The following SEMA3A variants were observed in gnomAD, a reference collection of about 807,000 sequenced individuals.
SEMA3A encodes the protein semaphorin-3A.
A neutral mutation model predicts 97.9 loss-of-function variants in SEMA3A; 29 were observed. That is an observed-to-expected ratio of 0.30 (90% CI 0.22 to 0.40). The LOEUF (loss-of-function observed/expected upper bound fraction) is 0.40, where lower values mean the gene tolerates loss of function less well. Ranked by LOEUF, SEMA3A falls within the 10% of genes least tolerant of loss-of-function variation. The pLI is 1.00. For synonymous variants in SEMA3A, 321 were observed against 323.7 expected, an observed-to-expected ratio of 0.99 and a Z score of 0.09; for missense variants, 763 against 951.3, an observed-to-expected ratio of 0.80 and a Z score of 2.60.
rs1469618323 is a variant in SEMA3A at position 84,456,935 on chromosome 7, T to C, written c.-246+35525A>G. On this transcript the variant is annotated intron_variant, in intron 1 of 3. Transcript: ENST00000424555. ...GGCTAATGGACCCTAAGTTACTTGC[T>C]AATGTCAGCTAATAAGCGATAAAGC... Among the ~76,000 whole-genome samples the C allele has an allele frequency of 4.6e-5, 7 of 151,936 alleles. No individual in the cohort carries two copies. In the East Asian group the frequency reaches 1.4e-3, roughly 29 times the overall value.
rs34158057 is a variant in SEMA3A at position 84,029,810 on chromosome 7, T to TACACACACACAC, written c.668-15471_668-15460dup. Among the ~76,000 whole-genome samples, 381 of 116,848 alleles carry TACACACACACAC rather than the reference T, an allele frequency of 3.3e-3. 2 individuals carry two copies. The highest frequency in any genetic ancestry group is 0.013 in the African/African-American group (363 of 28,616). 76.7% of individuals were successfully genotyped at this position (116,848 alleles called of 152,430 possible). A position where few individuals can be genotyped will look rare whatever the true frequency, so the allele number is the denominator to read the frequency against. ...CATTTGCACACACATCCCTTCCATA[T>TACACACACACAC]ACACACACACACACACACACACACA... On this transcript the variant is annotated intron_variant, in intron 6 of 16. Coordinates refer to ENST00000265362, the MANE Select transcript of SEMA3A (RefSeq NM_006080.3).
chr7:84,170,203 T>C (rs1797342125), intron 1 of SEMA3A, among the ~76,000 whole-genome samples: 1 of 151,988 alleles, frequency 6.6e-6, no homozygotes, highest in Non-Finnish European at 1.5e-5. Flanking sequence ...CTCATTATCT[T>C]GTAACGATAA....
chr7:84,341,845 C>A (rs189584757), intron 2 of SEMA3A, among the ~76,000 whole-genome samples: 41 of 152,264 alleles, frequency 2.7e-4, no homozygotes, highest in African/African-American at 9.9e-4. Flanking sequence ...AGCACTATGA[C>A]TGCTGACCAC....
intron 2 of SEMA3A, among the ~76,000 whole-genome samples, chr7:84,346,793 A>T (rs1366442490): frequency 6.6e-6 from 1 of 152,240 alleles, no homozygotes; most frequent in East Asian, 1.9e-4. Flanking sequence ...ACACAGAGAC[A>T]TGAAGTGAGA....
At chr7:84,047,002 T>A (rs182617935) in intron 5 of SEMA3A, among the ~76,000 whole-genome samples, 1 of 152,186 alleles carries the variant, frequency 6.6e-6, no homozygotes, top group African/African-American at 2.4e-5. Context: ...ATTTTTTTCT[T>A]GCTTTTTATT....
chr7:84,121,502 G>T (rs1207101639), intron 3 of SEMA3A, among the ~76,000 whole-genome samples: 1 of 151,210 alleles, frequency 6.6e-6, no homozygotes, highest in African/African-American at 2.4e-5. Context: ...CAGAATGATG[G>T]TTTCCAGCTT....
upstream of SEMA3A, among the ~76,000 whole-genome samples, chr7:84,197,622 A>G (rs149044857): frequency 2.3e-3 from 348 of 152,152 alleles, 1 homozygote; most frequent in African/African-American, 8.2e-3. Flanking sequence ...TTTCTCAACT[A>G]AAGTAGAAGC....
At chr7:84,302,874 A>G (rs948168112) in intron 3 of SEMA3A, among the ~76,000 whole-genome samples, 7 of 152,166 alleles carry the variant, frequency 4.6e-5, no homozygotes, top group Non-Finnish European at 8.8e-5. Flanking sequence ...CCAATTTCTT[A>G]ATGTAAACAC....
chr7:84,129,214 T>C lies in SEMA3A; in HGVS notation c.271-29A>G, dbSNP rs375885852. 10 of 1,576,776 alleles carry C rather than the reference T, an allele frequency of 6.3e-6. No homozygotes were observed. In the African/African-American group the frequency reaches 1.2e-4, roughly 19 times the overall value. ...AGGACAGAGAATAAACATTGTTTTATGTCAACTAAGTTGTCTAAGAGATCC... is the reference window on the plus strand; with the variant it reads ...AGGACAGAGAATAAACATTGTTTTACGTCAACTAAGTTGTCTAAGAGATCC... On this transcript the variant is annotated intron_variant, in intron 2 of 16. Coordinates refer to ENST00000265362, the MANE Select transcript of SEMA3A (RefSeq NM_006080.3).
At chr7:84,259,344 C>T (rs913106121) in intron 3 of SEMA3A, among the ~76,000 whole-genome samples, 4 of 151,996 alleles carry the variant, frequency 2.6e-5, no homozygotes, top group South Asian at 4.2e-4. Context: ...ACCAAAGAGA[C>T]GAGTATGTTT....
chr7:84,375,313 C>A (rs1013758261), intron 1 of SEMA3A, among the ~76,000 whole-genome samples: 2 of 152,152 alleles, frequency 1.3e-5, no homozygotes, highest in Admixed American at 6.5e-5. Flanking sequence ...AGCCACTGTG[C>A]CTGGCCAGAA....
chr7:84,235,058 T>C (rs1799202273), intron 3 of SEMA3A, among the ~76,000 whole-genome samples: 1 of 152,080 alleles, frequency 6.6e-6, no homozygotes, highest in South Asian at 2.1e-4. Flanking sequence ...GAAGGGGCAT[T>C]AGGTAATATA....
chr7:84,100,303 A>T (rs1482187106), intron 4 of SEMA3A, among the ~76,000 whole-genome samples: 1 of 152,148 alleles, frequency 6.6e-6, no homozygotes, highest in Non-Finnish European at 1.5e-5. Context: ...AACCAGAACT[A>T]ATCATTTTAC....
intron 2 of SEMA3A, among the ~76,000 whole-genome samples, chr7:84,324,170 A>AGT (rs1441855731): frequency 1.3e-5 from 2 of 152,178 alleles, no homozygotes; most frequent in Non-Finnish European, 2.9e-5. Context: ...AAAAAATTAC[A>AGT]GTGTGTGTGA....
intron 1 of SEMA3A, among the ~76,000 whole-genome samples, chr7:84,188,921 A>T (rs1797961060): frequency 1.3e-5 from 2 of 152,052 alleles, no homozygotes; most frequent in South Asian, 4.1e-4. Flanking sequence ...CATGACTATT[A>T]TGCCAATTTT....
At position 84,378,361 on chromosome 7, in the gene SEMA3A, A is replaced by G. The variant is rs963663119; in HGVS notation, c.-245-6461T>C. ...AAAGAAAATGTGGCACATATACACC[A>G]TGGAATACTATGCAGTCATAAAAAA... On this transcript the variant is annotated intron_variant, in intron 1 of 3. Coordinates refer to the SEMA3A transcript ENST00000424555. Among the ~76,000 whole-genome samples the G allele has an allele frequency of 7.2e-5, 11 of 152,120 alleles. No homozygotes were observed. In the East Asian group the frequency reaches 7.7e-4, roughly 11 times the overall value.
chr7:84,336,501 A>G (rs1802041641), intron 2 of SEMA3A, among the ~76,000 whole-genome samples: 1 of 152,166 alleles, frequency 6.6e-6, no homozygotes, highest in Non-Finnish European at 1.5e-5. Context: ...ATGGAACTAA[A>G]AAAAGCTGGT....
At chr7:84,283,040 T>C (rs1018554666) in intron 3 of SEMA3A, among the ~76,000 whole-genome samples, 5 of 151,960 alleles carry the variant, frequency 3.3e-5, no homozygotes, top group African/African-American at 1.2e-4. Flanking sequence ...TTTTAAGTAA[T>C]GAATAAAATT....
chr7:84,061,214 A>G (rs1258085049), intron 4 of SEMA3A, among the ~76,000 whole-genome samples: 4 of 152,166 alleles, frequency 2.6e-5, no homozygotes, highest in Non-Finnish European at 5.9e-5. Context: ...TGGAATAACA[A>G]GCACATTATT....
Sources: allele counts gnomAD v4.1 joint callset (sites outside exome capture counted in the v4.1 genomes callset), GRCh38; gene constraint gnomAD v4.1.1; transcripts MANE v1.5; gene names NCBI Gene and HGNC (gene_info 2026-07-23, HGNC 2026-07-21).